The following SIK3 variants were observed in gnomAD, a reference collection of about 807,000 sequenced individuals.
SIK3 encodes SIK family kinase 3, also known as serine/threonine-protein kinase SIK3.
SIK3 carries 28 observed loss-of-function variants against 144.2 expected under a neutral mutation model. The observed-to-expected ratio is 0.19, with a 90% CI of 0.14 to 0.27. The LOEUF is 0.27. Ranked by LOEUF, SIK3 falls within the 10% of genes least tolerant of loss-of-function variation. The probability of loss-of-function intolerance (pLI) is 1.00; values close to 1 mark genes in which losing one functional copy is unlikely to be tolerated. For missense variants in SIK3, 1,319 were observed against 1,776.0 expected (o/e 0.74, Z 4.62); for synonymous variants, 686 against 676.3 (o/e 1.01, Z -0.22).
chr11:116,887,726 G>A (rs921850160), intron 6 of SIK3, among the ~76,000 whole-genome samples: 22 of 152,136 alleles, frequency 1.4e-4, no homozygotes, highest in African/African-American at 5.1e-4. Context: ...GGGCTGTCAG[G>A]TTTTATGGAA....
At chr11:116,977,574 G>A (rs911048961) in intron 1 of SIK3, among the ~76,000 whole-genome samples, 3 of 152,200 alleles carry the variant, frequency 2.0e-5, no homozygotes, top group African/African-American at 7.2e-5. Context: ...GGAAAAGGAA[G>A]AGATGTCAAT....
In SIK3 at chr11:116,843,582, G is replaced by A. The variant is rs1941697063; in HGVS notation, c.*2061C>T. On this transcript the variant is annotated 3_prime_UTR_variant, in exon 25 of 25. Coordinates refer to ENST00000445177, the MANE Select transcript of SIK3 (RefSeq NM_001366686.3). ...CAAAGCAATGAGTTTTTTTTAAAGTGTAGTTTGCAAGATGGCACGGTTAGT... is the reference window on the plus strand; with the variant it reads ...CAAAGCAATGAGTTTTTTTTAAAGTATAGTTTGCAAGATGGCACGGTTAGT... 1 of 152,162 alleles carries A rather than the reference G, an allele frequency of 6.6e-6. No homozygotes were observed. The highest frequency in any genetic ancestry group is 6.5e-5 in the Admixed American group (1 of 15,280). 9.4% of individuals were successfully genotyped at this position (152,162 alleles called of 1,614,324 possible). A position where few individuals can be genotyped will look rare whatever the true frequency, so the allele number is the denominator to read the frequency against.
At chr11:117,057,463 T>C (rs1323532947) in intron 1 of SIK3, among the ~76,000 whole-genome samples, 9 of 152,160 alleles carry the variant, frequency 5.9e-5, no homozygotes, top group Non-Finnish European at 1.2e-4. Flanking sequence ...AAACCCTCTA[T>C]TTCCTCAATT....
chr11:116,890,408 A>G (rs183594947), intron 6 of SIK3, among the ~76,000 whole-genome samples: 8 of 152,344 alleles, frequency 5.3e-5, no homozygotes, highest in Admixed American at 1.3e-4. Context: ...AGGCCATAGT[A>G]ATAATGACTC....
chr11:117,083,312 T>C (rs1337608774), intron 1 of SIK3, among the ~76,000 whole-genome samples: 1 of 152,174 alleles, frequency 6.6e-6, no homozygotes, highest in African/African-American at 2.4e-5. Flanking sequence ...TCAAACAAGT[T>C]ATTTTATTCC....
chr11:116,868,851 A>C (rs1943797239), intron 14 of SIK3: 1 of 152,270 alleles, frequency 6.6e-6, no homozygotes, highest in South Asian at 2.1e-4. Context: ...CACTTAGTTA[A>C]TACCATCAAT....
At chr11:117,062,227 G>A (rs531492924) in intron 1 of SIK3, among the ~76,000 whole-genome samples, 2 of 152,268 alleles carry the variant, frequency 1.3e-5, no homozygotes, top group African/African-American at 4.8e-5. Context: ...TATATTTTCA[G>A]TAGGAAATAG....
intron 1 of SIK3, among the ~76,000 whole-genome samples, chr11:117,038,476 C>T (rs1952606713): frequency 1.3e-5 from 2 of 151,780 alleles, no homozygotes; most frequent in African/African-American, 4.8e-5. Context: ...CCTGCCTCAG[C>T]CTCCAGAGTA....
chr11:116,978,806 C>A (rs1010896884), intron 1 of SIK3, among the ~76,000 whole-genome samples: 3 of 152,136 alleles, frequency 2.0e-5, no homozygotes, highest in African/African-American at 7.2e-5. Context: ...CTGCACCCAC[C>A]CCGTATTTAT....
chr11:116,915,751 G>C (rs746579011), intron 4 of SIK3, among the ~76,000 whole-genome samples: 1 of 152,192 alleles, frequency 6.6e-6, no homozygotes, highest in Non-Finnish European at 1.5e-5. Flanking sequence ...GGTGAAGGTT[G>C]TCTTGAGGCA....
At chr11:116,914,882 C>G (rs996861185) in intron 4 of SIK3, among the ~76,000 whole-genome samples, 1 of 152,000 alleles carries the variant, frequency 6.6e-6, no homozygotes, top group Non-Finnish European at 1.5e-5. Context: ...AAAAACCTCC[C>G]GGGAAAGAAA....
intron 3 of SIK3, among the ~76,000 whole-genome samples, chr11:116,940,909 T>G (rs1948260458): frequency 6.6e-6 from 1 of 152,160 alleles, no homozygotes; most frequent in South Asian, 2.1e-4. Context: ...TACAAGTCAA[T>G]TATTTTGATT....
chr11:117,046,627 C>T (rs559353115), intron 1 of SIK3, among the ~76,000 whole-genome samples: 1 of 152,176 alleles, frequency 6.6e-6, no homozygotes, highest in African/African-American at 2.4e-5. Flanking sequence ...GCCCATAATC[C>T]CAGCACTTTG....
chr11:116,863,283 G>C (rs746880946), intron 16 of SIK3, among the ~76,000 whole-genome samples: 14 of 152,116 alleles, frequency 9.2e-5, no homozygotes, highest in African/African-American at 1.7e-4. Flanking sequence ...ACAGAGTCTC[G>C]TTCTGTTGCC....
At position 117,013,967 on chromosome 11, in the gene SIK3, C is replaced by CCTTT. The variant is rs756680301; in HGVS notation, c.274-56904_274-56903insAAAG. ...GTGTGTGTGTTTTATTTCTTTTTTT[C>CCTTT]TTTTCTTTTTTTTTTTTTTTTTTTT... On this transcript the variant is annotated intron_variant, in intron 1 of 24. Coordinates refer to ENST00000445177, the MANE Select transcript of SIK3 (RefSeq NM_001366686.3). Among the ~76,000 whole-genome samples the CCTTT allele has an allele frequency of 2.3e-3, 17 of 7,368 alleles. 2 individuals carry two copies. The highest frequency in any genetic ancestry group is 4.6e-3 in the African/African-American group (13 of 2,804). 4.8% of individuals were successfully genotyped at this position (7,368 alleles called of 152,430 possible).
chr11:116,899,556 T>C (rs1945631263), intron 4 of SIK3, among the ~76,000 whole-genome samples: 1 of 152,230 alleles, frequency 6.6e-6, no homozygotes, highest in African/African-American at 2.4e-5. Context: ...ATATGCAACT[T>C]ATTTACAAAC....
At chr11:117,050,283 C>A (rs928076182) in intron 1 of SIK3, among the ~76,000 whole-genome samples, 2 of 150,558 alleles carry the variant, frequency 1.3e-5, no homozygotes, top group African/African-American at 4.9e-5. Flanking sequence ...GATCAAGACT[C>A]CATCACACAC....
At chr11:117,079,691 T>G (rs1954699781) in intron 1 of SIK3, among the ~76,000 whole-genome samples, 1 of 150,100 alleles carries the variant, frequency 6.7e-6, no homozygotes, top group African/African-American at 2.5e-5. Context: ...TTGAAAAAAA[T>G]GGGTAAATAT....
chr11:117,050,932 G>A (rs555533601), intron 1 of SIK3, among the ~76,000 whole-genome samples: 4 of 152,110 alleles, frequency 2.6e-5, no homozygotes, highest in South Asian at 4.1e-4. Context: ...TCCTGTGATG[G>A]TTAATTTTAT....
Sources: gnomAD v4.1 joint callset for allele counts (sites outside exome capture counted in the v4.1 genomes callset) on GRCh38, gnomAD v4.1.1 for gene constraint, MANE v1.5 for transcripts, NCBI Gene and HGNC (gene_info 2026-07-23, HGNC 2026-07-21) for gene names.